FRMD4A: variants seen among roughly 807,000 people sequenced by gnomAD.
FRMD4A encodes FERM domain-containing protein 4A.
FRMD4A carries 29 observed loss-of-function variants against 129.1 expected under a neutral mutation model. That is an observed-to-expected ratio of 0.22 (90% CI 0.17 to 0.31). FRMD4A has a LOEUF of 0.31. FRMD4A is among the 10% of genes least tolerant of loss of function. The pLI, the probability that FRMD4A is intolerant of heterozygous loss-of-function variation, is 1.00. For synonymous variants in FRMD4A, 634 were observed against 571.6 expected (o/e 1.11, Z -1.56); for missense variants, 1,272 against 1,375.8 (o/e 0.92, Z 1.19).
At chr10:13,952,847 C>A (rs538729807) in intron 2 of FRMD4A, among the ~76,000 whole-genome samples, 15 of 152,128 alleles carry the variant, frequency 9.9e-5, no homozygotes, top group African/African-American at 3.4e-4. Flanking sequence ...TGCCCACCAC[C>A]ATGTCGGCTA....
intron 2 of FRMD4A, among the ~76,000 whole-genome samples, chr10:14,105,379 A>G (rs1837534508): frequency 6.6e-6 from 1 of 152,234 alleles, no homozygotes; most frequent in Non-Finnish European, 1.5e-5. Context: ...TAACCTGGGC[A>G]ACATAGCAAG....
rs77914346 is a variant in FRMD4A, at chr10:14,011,826, T to G, written c.46-152914A>C. Among the ~76,000 whole-genome samples, 658 of 152,062 alleles carry G rather than the reference T, an allele frequency of 4.3e-3. 2 individuals carry two copies. Among genetic ancestry groups the G allele is most frequent in the Non-Finnish European group, 7.7e-3 (523 of 67,958 alleles). ...GAGTTCAAGACCAGCCTGGCCAACATAGTGAAACCCCGTCTCTACTAAGAA... is the reference window on the plus strand; with the variant it reads ...GAGTTCAAGACCAGCCTGGCCAACAGAGTGAAACCCCGTCTCTACTAAGAA... On this transcript the variant is annotated intron_variant, in intron 2 of 24. Transcript: ENST00000357447.
At chr10:14,185,899 G>A in intron 2 of FRMD4A, among the ~76,000 whole-genome samples, 1 of 152,302 alleles carries the variant, frequency 6.6e-6, no homozygotes, top group African/African-American at 2.4e-5. Flanking sequence ...CAACAGGGCA[G>A]AGAGAGACTG....
chr10:14,135,937 T>C (rs911379837), intron 2 of FRMD4A, among the ~76,000 whole-genome samples: 6 of 152,210 alleles, frequency 3.9e-5, no homozygotes, highest in African/African-American at 7.2e-5. Context: ...TATATTGAAA[T>C]GCATGTTCAA....
chr10:13,901,616 A>G (rs2094820557), intron 2 of FRMD4A, among the ~76,000 whole-genome samples: 2 of 152,170 alleles, frequency 1.3e-5, no homozygotes, highest in South Asian at 4.1e-4. Flanking sequence ...CTCAAAAAAA[A>G]AAAAAAAAAG....
chr10:13,924,545 A>T, intron 2 of FRMD4A, among the ~76,000 whole-genome samples: 1 of 152,150 alleles, frequency 6.6e-6, no homozygotes, highest in South Asian at 2.1e-4. Context: ...CTCAGGGAGA[A>T]GCAGTCCCTG....
intron 2 of FRMD4A, among the ~76,000 whole-genome samples, chr10:14,151,561 T>C (rs922389699): frequency 2.6e-5 from 4 of 152,136 alleles, no homozygotes; most frequent in African/African-American, 9.7e-5. Flanking sequence ...AATATTTGAG[T>C]GATGGGTACA....
chr10:13,928,223 C>T lies in FRMD4A; in HGVS notation c.46-69311G>A, dbSNP rs138798991. ...GTTTTGCATAGAAGAAGTCTTGCTA[C>T]GTTGCCTAGGCTCGTCTCCAACTCC... is the stretch of plus-strand genomic sequence containing the variant. On this transcript the variant is annotated intron_variant, in intron 2 of 24. Coordinates refer to ENST00000357447, the MANE Select transcript of FRMD4A (RefSeq NM_018027.5). Among the ~76,000 whole-genome samples, 656 of 152,076 alleles carry T rather than the reference C, an allele frequency of 4.3e-3. 6 individuals are homozygous for T. Among genetic ancestry groups the T allele is most frequent in the African/African-American group, 0.015 (617 of 41,476 alleles).
intron 12 of FRMD4A, among the ~76,000 whole-genome samples, chr10:13,729,018 C>G (rs141301905): frequency 6.6e-6 from 1 of 150,392 alleles, no homozygotes; most frequent in Non-Finnish European, 1.5e-5. Flanking sequence ...TTCCTTTTGT[C>G]CTTGGAGAGT....
intron 12 of FRMD4A, among the ~76,000 whole-genome samples, chr10:13,716,642 C>G (rs776484617): frequency 6.6e-6 from 1 of 152,182 alleles, no homozygotes; most frequent in South Asian, 2.1e-4. Context: ...CCCAGAGCAC[C>G]GGGCCTTGAC....
chr10:13,827,590 G>A (rs920347274), intron 3 of FRMD4A, among the ~76,000 whole-genome samples: 5 of 152,170 alleles, frequency 3.3e-5, no homozygotes, highest in African/African-American at 7.2e-5. Flanking sequence ...CTCAATTCAG[G>A]CAAAGCGAAA....
At chr10:14,119,682 A>C (rs1487354653) in intron 2 of FRMD4A, among the ~76,000 whole-genome samples, 4 of 152,152 alleles carry the variant, frequency 2.6e-5, no homozygotes, top group Non-Finnish European at 5.9e-5. Context: ...TGCTCTGATT[A>C]AATAATTAAT....
At chr10:13,670,280 G>T in intron 17 of FRMD4A, 126 bp downstream of exon 17, 2 of 922,704 alleles carry the variant, frequency 2.2e-6, no homozygotes, top group East Asian at 2.7e-5. Context: ...CTCAAGAAAA[G>T]GTATGAGCGA....
At chr10:13,967,189 T>C (rs139902130) in intron 2 of FRMD4A, among the ~76,000 whole-genome samples, 3,398 of 152,174 alleles carry the variant, frequency 0.022, 95 homozygotes, top group East Asian at 0.09. Context: ...ACAAAAAAAT[T>C]AGCCAGGCTT....
chr10:14,061,315 G>C (rs1834802777), intron 2 of FRMD4A, among the ~76,000 whole-genome samples: 1 of 152,092 alleles, frequency 6.6e-6, no homozygotes, highest in Non-Finnish European at 1.5e-5. Flanking sequence ...ATCCAGGTGT[G>C]GTGATGTGCA....
intron 2 of FRMD4A, among the ~76,000 whole-genome samples, chr10:14,095,931 C>T (rs12247012): frequency 0.13 from 20,250 of 152,038 alleles, 2,010 homozygotes; most frequent in African/African-American, 0.28. Context: ...ACATAAGGAG[C>T]GCAAGTGGAA....
At chr10:14,128,045 CCTCTTTCTTTCT>C in intron 2 of FRMD4A, among the ~76,000 whole-genome samples, 1 of 75,568 alleles carries the variant, frequency 1.3e-5, no homozygotes, top group Admixed American at 1.6e-4. Flanking sequence ...CCTTTCTTTC[CCTCTTTCTTTCT>C]TTCTTTCTTT....
intron 6 of FRMD4A, among the ~76,000 whole-genome samples, chr10:13,777,791 A>ATTTTTTTTTTTTTTTTTTT: frequency 1.2e-5 from 1 of 85,984 alleles, no homozygotes; most frequent in South Asian, 5.5e-4. Context: ...CTTTGGGTCA[A>ATTTTTTTTTTTTTTTTTTT]TTTTTTTTTT....
chr10:13,701,064 G>A lies in FRMD4A; in HGVS notation c.975+276C>T, dbSNP rs545581274. On this transcript the variant is annotated intron_variant, in intron 14 of 24. Transcript: ENST00000357447. The stretch of plus-strand genomic sequence containing the variant: ...GATTCTCCCGAGGGCCAAAAGCACA[G>A]TGGGAATTCCTCAAAAGGGGCCTAC... Among the ~76,000 whole-genome samples the A allele has an allele frequency of 2.0e-5, 3 of 152,244 alleles. No homozygotes were observed. The East Asian group carries it at 5.8e-4, about 29-fold the overall frequency.
Sources: allele counts gnomAD v4.1 joint callset (sites outside exome capture counted in the v4.1 genomes callset), GRCh38; gene constraint gnomAD v4.1.1; transcripts MANE v1.5; gene names NCBI Gene and HGNC (gene_info 2026-07-23, HGNC 2026-07-21).